The following PPP2R2B variants were observed in gnomAD, a reference collection of about 807,000 sequenced individuals.
PPP2R2B encodes the protein serine/threonine-protein phosphatase 2A 55 kDa regulatory subunit B beta isoform.
Under a neutral mutation model 46.0 loss-of-function variants are expected in PPP2R2B, and 5 were observed. That is an observed-to-expected ratio of 0.11 (90% CI 0.06 to 0.23). The LOEUF is 0.23. PPP2R2B is among the 10% of genes least tolerant of loss of function. The probability of loss-of-function intolerance (pLI) is 1.00; values close to 1 mark genes in which losing one functional copy is unlikely to be tolerated. For synonymous variants in PPP2R2B, 215 were observed against 206.7 expected (o/e 1.04, Z -0.34); for missense variants, 367 against 575.0 (o/e 0.64, Z 3.70).
In PPP2R2B at chr5:146,667,336, A is replaced by G. The variant is rs71592192; in HGVS notation, c.448-16612T>C. On this transcript the variant is annotated intron_variant, in intron 5 of 9. Transcript: ENST00000394411. ...AGCAGGAATAGGCGTGCGCGCGCAC[A>G]CACACACACACACACACACACACAC... Among the ~76,000 whole-genome samples, 224 of 64,642 alleles carry G rather than the reference A, an allele frequency of 3.5e-3. 1 individual carries two copies. The highest frequency in any genetic ancestry group is 0.021 in the African/African-American group (216 of 10,098). 42.4% of individuals were successfully genotyped at this position (64,642 alleles called of 152,430 possible). A position where few individuals can be genotyped will look rare whatever the true frequency, so the allele number is the denominator to read the frequency against.
At chr5:146,716,619 T>A (rs1035146306) in intron 2 of PPP2R2B, among the ~76,000 whole-genome samples, 1 of 152,182 alleles carries the variant, frequency 6.6e-6, no homozygotes, top group Non-Finnish European at 1.5e-5. Context: ...GGATCCCTAG[T>A]GGGATCTGAG....
At chr5:146,807,777 T>C (rs1035245159) in intron 2 of PPP2R2B, among the ~76,000 whole-genome samples, 63 of 46,316 alleles carry the variant, frequency 1.4e-3, no homozygotes, top group African/African-American at 1.0e-2. Context: ...GGGTGCCTTC[T>C]TTTTTTTTTT....
At chr5:146,795,411 C>T (rs528163066) in intron 2 of PPP2R2B, among the ~76,000 whole-genome samples, 59 of 152,166 alleles carry the variant, frequency 3.9e-4, no homozygotes, top group African/African-American at 1.3e-3. Context: ...TAATACATTA[C>T]GCCAAATGAA....
chr5:146,895,317 T>G (rs1762611497), intron 1 of PPP2R2B, among the ~76,000 whole-genome samples: 1 of 152,240 alleles, frequency 6.6e-6, no homozygotes, highest in South Asian at 2.1e-4. Flanking sequence ...CATACTGCTC[T>G]CATAGCACCA....
At chr5:146,625,635 G>C (rs571791072) in intron 7 of PPP2R2B, among the ~76,000 whole-genome samples, 1 of 152,254 alleles carries the variant, frequency 6.6e-6, no homozygotes, top group Non-Finnish European at 1.5e-5. Context: ...GGTCCAGGAA[G>C]TCTTCCTGGA....
At chr5:146,790,628 C>T (rs1469259971) in intron 2 of PPP2R2B, among the ~76,000 whole-genome samples, 4 of 152,182 alleles carry the variant, frequency 2.6e-5, no homozygotes, top group Non-Finnish European at 5.9e-5. Context: ...TCTGTCTTCA[C>T]CTCTGAGCAC....
chr5:146,803,933 C>T (rs160967), intron 2 of PPP2R2B, among the ~76,000 whole-genome samples: 4,289 of 152,004 alleles, frequency 0.028, 89 homozygotes, highest in Non-Finnish European at 0.044. Flanking sequence ...TTTGGGAGGC[C>T]GAGGCAGGCA....
intron 7 of PPP2R2B, among the ~76,000 whole-genome samples, chr5:146,629,376 A>G (rs780441573): frequency 5.3e-5 from 8 of 152,042 alleles, no homozygotes; most frequent in Admixed American, 1.3e-4. Flanking sequence ...TTCACTGCCA[A>G]TCTCTCAGCA....
Position 146,720,044 on chromosome 5 carries a change from C to T in PPP2R2B, c.71-18902G>A, listed in dbSNP as rs149282375. ...CTCCCATTTACCCTCCTGAGGTTTT[C>T]CTCTACCTCTCTGCTTTCATCTTTT... On this transcript the variant is annotated intron_variant, in intron 2 of 9. Coordinates refer to ENST00000394411, the MANE Select transcript of PPP2R2B (RefSeq NM_181675.4). 3.4e-3 allele frequency among the ~76,000 whole-genome samples: 522 copies of T among 152,238 alleles called. 3 individuals are homozygous for T. The highest frequency in any genetic ancestry group is 0.012 in the African/African-American group (508 of 41,522).
At chr5:146,948,349 T>C (rs1764550043) in intron 1 of PPP2R2B, among the ~76,000 whole-genome samples, 1 of 152,058 alleles carries the variant, frequency 6.6e-6, no homozygotes, top group South Asian at 2.1e-4. Flanking sequence ...CAACGAGGGA[T>C]AATGTTAATA....
intron 1 of PPP2R2B, among the ~76,000 whole-genome samples, chr5:146,897,864 G>A (rs574192809): frequency 6.6e-6 from 1 of 152,236 alleles, no homozygotes; most frequent in African/African-American, 2.4e-5. Context: ...ATTATTAGAA[G>A]GTTAAAATAT....
At chr5:146,651,408 C>T (rs529602216) in intron 5 of PPP2R2B, among the ~76,000 whole-genome samples, 1 of 152,298 alleles carries the variant, frequency 6.6e-6, no homozygotes, top group South Asian at 2.1e-4. Context: ...CTTACTGATA[C>T]ATAAATACTT....
intron 1 of PPP2R2B, among the ~76,000 whole-genome samples, chr5:146,944,947 C>T (rs750649312): frequency 2.0e-5 from 3 of 152,062 alleles, no homozygotes; most frequent in Non-Finnish European, 2.9e-5. Flanking sequence ...ACCAAAGATG[C>T]CCTCTTGTAA....
chr5:146,993,520 G>T (rs370333390), intron 1 of PPP2R2B, among the ~76,000 whole-genome samples: 1 of 152,222 alleles, frequency 6.6e-6, no homozygotes, highest in South Asian at 2.1e-4. Flanking sequence ...GGGATTACAG[G>T]TGTGAGCCAC....
At chr5:146,715,678 A>G (rs753925817) in intron 2 of PPP2R2B, among the ~76,000 whole-genome samples, 3 of 152,180 alleles carry the variant, frequency 2.0e-5, no homozygotes, top group Non-Finnish European at 4.4e-5. Context: ...CATGTTTGTA[A>G]GACTAGTCGT....
At chr5:146,879,951 C>T (rs543489352), upstream of PPP2R2B, among the ~76,000 whole-genome samples, 1 of 152,268 alleles carries the variant, frequency 6.6e-6, no homozygotes, top group South Asian at 2.1e-4. Flanking sequence ...CCAGAGGGAC[C>T]TATGAGTTAA....
intron 1 of PPP2R2B, among the ~76,000 whole-genome samples, chr5:147,005,134 T>C (rs866124428): frequency 6.6e-6 from 1 of 152,150 alleles, no homozygotes; most frequent in Non-Finnish European, 1.5e-5. Flanking sequence ...TCCCAGAGGA[T>C]GGGGAACCAA....
intron 1 of PPP2R2B, among the ~76,000 whole-genome samples, chr5:147,043,916 A>G (rs1420680749): frequency 6.6e-6 from 1 of 152,058 alleles, no homozygotes; most frequent in Non-Finnish European, 1.5e-5. Flanking sequence ...ACCTGGGTCC[A>G]AATCCCACCT....
chr5:146,954,112 TG>T (rs1751760438), intron 1 of PPP2R2B, among the ~76,000 whole-genome samples: 1 of 145,590 alleles, frequency 6.9e-6, no homozygotes, highest in African/African-American at 2.5e-5. Flanking sequence ...TCACATAGTT[TG>T]GTTTTACCAA....
Sources: allele counts gnomAD v4.1 joint callset (sites outside exome capture counted in the v4.1 genomes callset), GRCh38; gene constraint gnomAD v4.1.1; transcripts MANE v1.5; gene names NCBI Gene and HGNC (gene_info 2026-07-23, HGNC 2026-07-21).